ZBTB20: variants seen among roughly 807,000 people sequenced by gnomAD.
ZBTB20 encodes the protein zinc finger and BTB domain-containing protein 20.
In ZBTB20, 9 loss-of-function variants were observed where a neutral mutation model predicts 56.9. The observed-to-expected ratio is 0.16, with a 90% CI of 0.10 to 0.28. ZBTB20 has a LOEUF of 0.28. Among genes scored for constraint, ZBTB20 ranks in the 10% least tolerant of loss-of-function variants. The pLI is 1.00. For synonymous variants in ZBTB20, 417 were observed against 420.7 expected, an observed-to-expected ratio of 0.99 and a Z score of 0.11; for missense variants, 655 against 1,003.0, an observed-to-expected ratio of 0.65 and a Z score of 4.69.
Position 114,365,953 on chromosome 3 carries a change from G to T in ZBTB20, c.200-14075C>A, listed in dbSNP as rs909993793. Reference sequence around the variant, plus strand: ...AAAAAAATAATCGGGTAAAAAATTAGTACCTATATTTTCACAAATGGGCAT... The same window carrying T: ...AAAAAAATAATCGGGTAAAAAATTATTACCTATATTTTCACAAATGGGCAT... On this transcript the variant is annotated intron_variant, in intron 10 of 11. Coordinates refer to ENST00000675478, the MANE Select transcript of ZBTB20 (RefSeq NM_001348800.3). 5.3e-5 allele frequency among the ~76,000 whole-genome samples: 8 copies of T among 152,212 alleles called. No individual in the cohort carries two copies. The South Asian group carries it at 1.7e-3, about 32-fold the overall frequency.
chr3:114,901,744 T>G (rs1164517119), intron 3 of ZBTB20, among the ~76,000 whole-genome samples: 1 of 152,042 alleles, frequency 6.6e-6, no homozygotes, highest in Non-Finnish European at 1.5e-5. Context: ...AAATGCAAAT[T>G]TATAGTATTA....
intron 7 of ZBTB20, among the ~76,000 whole-genome samples, chr3:114,430,812 T>C (rs1450005464): frequency 1.3e-5 from 2 of 152,174 alleles, no homozygotes; most frequent in African/African-American, 4.8e-5. Context: ...TGCCAGTAGA[T>C]AGGGTTTTAT....
intron 6 of ZBTB20, among the ~76,000 whole-genome samples, chr3:114,651,374 T>C (rs1165463432): frequency 1.3e-5 from 2 of 151,982 alleles, no homozygotes; most frequent in Non-Finnish European, 2.9e-5. Context: ...ATATGTAATA[T>C]TGCCAGAACA....
chr3:114,366,350 T>C (rs1576388888), intron 10 of ZBTB20, among the ~76,000 whole-genome samples: 1 of 151,890 alleles, frequency 6.6e-6, no homozygotes, highest in Non-Finnish European at 1.5e-5. Context: ...TTGGTTACAA[T>C]GTGGAGAGTT....
chr3:115,021,148 T>C (rs1473870770), intron 2 of ZBTB20, among the ~76,000 whole-genome samples: 1 of 150,996 alleles, frequency 6.6e-6, no homozygotes, highest in Non-Finnish European at 1.5e-5. Context: ...ATTTTTGGAA[T>C]GCCATTTTTA....
In ZBTB20 at chr3:114,323,663, A is replaced by T. The variant is rs2078971415; in HGVS notation, c.*15342T>A. 1.3e-5 allele frequency: 2 copies of T among 152,176 alleles called. No individual in the cohort carries two copies. The highest frequency in any genetic ancestry group is 1.3e-4 in the Admixed American group (2 of 15,270). The allele number at this position is 152,176 out of a possible 1,614,324, so 9.4% of individuals were successfully genotyped here. ...CTTACTGAGAGCTCAGTCAGAAACA[A>T]GATTGGGTAAACTTTTTCTTAAATG... On this transcript the variant is annotated 3_prime_UTR_variant, in exon 12 of 12. Coordinates refer to ENST00000675478, the MANE Select transcript of ZBTB20 (RefSeq NM_001348800.3).
chr3:114,723,969 C>T (rs1578537633), intron 5 of ZBTB20, among the ~76,000 whole-genome samples: 1 of 152,016 alleles, frequency 6.6e-6, no homozygotes, highest in African/African-American at 2.4e-5. Context: ...CCCGGGTTCA[C>T]GCCATTCTCC....
intron 1 of ZBTB20, among the ~76,000 whole-genome samples, chr3:115,086,187 C>G (rs2082979475): frequency 1.3e-5 from 2 of 151,802 alleles, no homozygotes; most frequent in Non-Finnish European, 2.9e-5. Flanking sequence ...ATTACCTAAA[C>G]TAACTACAAT....
chr3:114,520,764 T>A (rs1272435029), intron 6 of ZBTB20, among the ~76,000 whole-genome samples: 1 of 152,164 alleles, frequency 6.6e-6, no homozygotes, highest in Non-Finnish European at 1.5e-5. Flanking sequence ...ACTAGACAAT[T>A]ACAATTAGAT....
In ZBTB20 at chr3:115,044,573, GT is replaced by G. The variant is rs565896980; in HGVS notation, c.-507+26645del. ...TAAAATTTTGCAAAAAATGAAATTG[GT>G]TATTATCTATATCAGTGATTTCCAA... is the stretch of plus-strand genomic sequence containing the variant. On this transcript the variant is annotated intron_variant, in intron 2 of 11. Transcript: ENST00000675478. 1.4e-3 allele frequency among the ~76,000 whole-genome samples: 209 copies of G among 152,288 alleles called. 1 individual carries two copies. The Middle Eastern group carries it at 0.041, about 30-fold the overall frequency.
chr3:114,412,481 T>A (rs1292288347), intron 7 of ZBTB20, among the ~76,000 whole-genome samples: 1 of 152,130 alleles, frequency 6.6e-6, no homozygotes, highest in Non-Finnish European at 1.5e-5. Flanking sequence ...ACTGGGTGTA[T>A]CGCTCACTCA....
intron 7 of ZBTB20, among the ~76,000 whole-genome samples, chr3:114,395,071 C>T (rs952301809): frequency 1.3e-5 from 2 of 152,038 alleles, no homozygotes; most frequent in African/African-American, 4.8e-5. Flanking sequence ...CAGCAATTCC[C>T]AGGTGAAGAT....
At position 114,334,650 on chromosome 3, in the gene ZBTB20, A is replaced by AT. The variant is rs1461707935; in HGVS notation, c.*4354_*4355insA. On this transcript the variant is annotated 3_prime_UTR_variant, in exon 12 of 12. Coordinates refer to ENST00000675478, the MANE Select transcript of ZBTB20 (RefSeq NM_001348800.3). ...TAAAACCCTTATGACTTTTAAACAC[A>AT]GCAAACCCAAGTCTTTCTAAGGCCA... 6.6e-6 allele frequency: 1 copy of AT among 152,238 alleles called. No individual in the cohort carries two copies. The highest frequency in any genetic ancestry group is 1.5e-5 in the Non-Finnish European group (1 of 68,036). The allele number at this position is 152,238 out of a possible 1,614,324, so 9.4% of individuals were successfully genotyped here.
At chr3:114,406,145 T>G (rs777926630) in intron 7 of ZBTB20, among the ~76,000 whole-genome samples, 2 of 152,170 alleles carry the variant, frequency 1.3e-5, no homozygotes, top group Non-Finnish European at 2.9e-5. Context: ...GCTGTCATTG[T>G]AGCACAGTGA....
chr3:114,537,753 T>G (rs2048647255), intron 6 of ZBTB20, among the ~76,000 whole-genome samples: 1 of 152,140 alleles, frequency 6.6e-6, no homozygotes, highest in Non-Finnish European at 1.5e-5. Flanking sequence ...CCATCAATGA[T>G]AGACTGGATA....
chr3:114,897,576 C>T (rs2074935516), intron 4 of ZBTB20, among the ~76,000 whole-genome samples: 1 of 152,044 alleles, frequency 6.6e-6, no homozygotes, highest in African/African-American at 2.4e-5. Flanking sequence ...CAAAAAGCTG[C>T]TAATATCTGT....
chr3:114,516,481 T>C (rs1035293713), intron 6 of ZBTB20, among the ~76,000 whole-genome samples: 1 of 152,220 alleles, frequency 6.6e-6, no homozygotes, highest in Non-Finnish European at 1.5e-5. Context: ...GTTTTCCAAA[T>C]AGAAGTCATC....
chr3:114,870,019 C>T (rs1172577502), intron 4 of ZBTB20, among the ~76,000 whole-genome samples: 3 of 152,190 alleles, frequency 2.0e-5, no homozygotes, highest in African/African-American at 7.2e-5. Flanking sequence ...CAAGTTCCCA[C>T]ACATCAATTA....
chr3:114,885,504 T>C (rs2107606548), intron 4 of ZBTB20, among the ~76,000 whole-genome samples: 1 of 152,328 alleles, frequency 6.6e-6, no homozygotes. Context: ...ATTGTAATTA[T>C]TTACTCATGA....
Sources: gnomAD v4.1 joint callset for allele counts (sites outside exome capture counted in the v4.1 genomes callset) on GRCh38, gnomAD v4.1.1 for gene constraint, MANE v1.5 for transcripts, NCBI Gene and HGNC (gene_info 2026-07-23, HGNC 2026-07-21) for gene names.